Variants in GSTO1 observed in about 807,000 individuals in gnomAD.
GSTO1 encodes glutathione S-transferase omega 1.
GSTO1 carries 27 observed loss-of-function variants against 23.8 expected under a neutral mutation model. That is an observed-to-expected ratio of 1.13 (90% confidence interval 0.83 to 1.56). The LOEUF (loss-of-function observed/expected upper bound fraction) is 1.56, where lower values mean the gene tolerates loss of function less well. GSTO1 is among the 40% of genes most tolerant of loss of function. GSTO1 has a pLI of 0.00. For missense variants in GSTO1, 255 were observed against 285.8 expected (o/e 0.89, Z 0.78); for synonymous variants, 105 against 109.3 (o/e 0.96, Z 0.25).
intron 4 of GSTO1, among the ~76,000 whole-genome samples, chr10:104,263,418 TA>T (rs138752143): frequency 0.03 from 4,537 of 152,208 alleles, 256 homozygotes; most frequent in African/African-American, 0.11. Flanking sequence ...TCCATATATT[TA>T]AAAAAAATTA....
intron 1 of GSTO1, 48 bp downstream of exon 1, chr10:104,255,010 C>A (rs1341760495): frequency 4.6e-6 from 7 of 1,508,008 alleles, no homozygotes; most frequent in Non-Finnish European, 5.4e-6. Flanking sequence ...CGACCCCCGG[C>A]GGCATGTTCG....
chr10:104,255,039 AGCC>A (rs2091595203), intron 1 of GSTO1, 77 bp downstream of exon 1: 2 of 1,493,184 alleles, frequency 1.3e-6, no homozygotes, highest in Non-Finnish European at 1.8e-6. Flanking sequence ...CCGGGAGCCC[AGCC>A]GCCCGGGAGC....
At chr10:104,266,255 T>C in intron 5 of GSTO1, 65 bp downstream of exon 5, 1 of 846,764 alleles carries the variant, frequency 1.2e-6, no homozygotes, top group Non-Finnish European at 2.0e-6. Flanking sequence ...TATTGACCTT[T>C]CTTTATAACA....
At chr10:104,261,540 T>A (rs532153456) in intron 3 of GSTO1, among the ~76,000 whole-genome samples, 1 of 149,970 alleles carries the variant, frequency 6.7e-6, no homozygotes, top group South Asian at 2.1e-4. Flanking sequence ...TAATGTTAAT[T>A]AGAGGCTAGA....
At chr10:104,266,260 A>G in intron 5 of GSTO1, 70 bp downstream of exon 5, 5 of 825,788 alleles carry the variant, frequency 6.1e-6, no homozygotes, top group South Asian at 4.2e-5. Context: ...ACCTTTCTTT[A>G]TAACAGAAGT....
chr10:104,266,895 G>A (rs1564838680), intron 5 of GSTO1, among the ~76,000 whole-genome samples: 2 of 152,092 alleles, frequency 1.3e-5, no homozygotes, highest in South Asian at 4.1e-4. Flanking sequence ...CTTCTTGGAC[G>A]ATAGAGCTAT....
In GSTO1 at chr10:104,255,184, T is replaced by C; in HGVS notation, c.56T>C (p.Val19Ala). The change falls in exon 2 of 6, where the codon GTC becomes GCC. Residue 19 changes from valine to alanine, a missense_variant. Physicochemically the swap from Val to Ala is moderately conservative, Grantham distance 64. Coordinates refer to ENST00000369713, the MANE Select transcript of GSTO1 (RefSeq NM_004832.3). Reference protein sequence around the residue: ...LGKGSAPPGPVPEGSIRIYSM... With the variant: ...LGKGSAPPGPAPEGSIRIYSM... ...GCAGGAAGCGCGCCCCCGGGGCCGG[T>C]CCCGGAGGGCTCGATCCGCATCTAC... The C allele has an allele frequency of 6.2e-7, 1 of 1,613,566 alleles. No individual in the cohort carries two copies. Among genetic ancestry groups the C allele is most frequent in the Non-Finnish European group, 8.5e-7 (1 of 1,179,666 alleles).
chr10:104,255,136 G>C (rs751870821), intron 1 of GSTO1, 27 bp from the exon 2 acceptor site: 14 of 1,573,334 alleles, frequency 8.9e-6, no homozygotes, highest in Non-Finnish European at 1.0e-5. Flanking sequence ...TCTCTGGGCC[G>C]TAATCGCCTT....
chr10:104,263,467 C>T (rs1228778939), intron 4 of GSTO1, among the ~76,000 whole-genome samples: 1 of 152,172 alleles, frequency 6.6e-6, no homozygotes, highest in African/African-American at 2.4e-5. Flanking sequence ...CATTCTGTGT[C>T]CTGCTTTTTT....
intron 3 of GSTO1, among the ~76,000 whole-genome samples, chr10:104,260,159 G>C (rs1201362291): frequency 6.6e-6 from 1 of 152,156 alleles, no homozygotes; most frequent in Non-Finnish European, 1.5e-5. Flanking sequence ...CTTTTCAGGA[G>C]CTTGGCAGGC....
At chr10:104,262,896 T>C in intron 3 of GSTO1, 83 bp from the exon 4 acceptor site, 1 of 663,158 alleles carries the variant, frequency 1.5e-6, no homozygotes, top group Non-Finnish European at 2.7e-6. Flanking sequence ...ACCAGGACTG[T>C]AAGGGTTCTA....
At chr10:104,259,843 T>C (rs752136329) in intron 3 of GSTO1, 45 bp downstream of exon 3, 1 of 1,312,684 alleles carries the variant, frequency 7.6e-7, no homozygotes. Context: ...AAACCTGTTT[T>C]TTAAAGCGAA....
intron 4 of GSTO1, among the ~76,000 whole-genome samples, chr10:104,264,337 T>A (rs1237989802): frequency 1.3e-5 from 2 of 152,174 alleles, no homozygotes; most frequent in African/African-American, 2.4e-5. Flanking sequence ...AGCTGGAAAG[T>A]AAGATGCAGT....
intron 2 of GSTO1, among the ~76,000 whole-genome samples, chr10:104,259,043 T>A (rs1229157515): frequency 6.6e-6 from 1 of 152,164 alleles, no homozygotes; most frequent in Non-Finnish European, 1.5e-5. Flanking sequence ...TTGCACACTG[T>A]TGGCGGGAAT....
At chr10:104,263,858 T>C (rs994338763) in intron 4 of GSTO1, among the ~76,000 whole-genome samples, 7 of 152,216 alleles carry the variant, frequency 4.6e-5, no homozygotes, top group Non-Finnish European at 1.0e-4. Flanking sequence ...GTTACATCTA[T>C]TGAAATGTTC....
chr10:104,266,802 T>C (rs1309455234), intron 5 of GSTO1, among the ~76,000 whole-genome samples: 1 of 152,128 alleles, frequency 6.6e-6, no homozygotes, highest in Admixed American at 6.5e-5. Context: ...GTACGACCAG[T>C]GTTACCTCCC....
At chr10:104,264,595 G>A (rs557445330) in intron 4 of GSTO1, among the ~76,000 whole-genome samples, 1 of 152,262 alleles carries the variant, frequency 6.6e-6, no homozygotes, top group African/African-American at 2.4e-5. Flanking sequence ...ATTGTCATCT[G>A]TTTAGCAGTT....
chr10:104,261,961 A>G (rs567278930), intron 3 of GSTO1, among the ~76,000 whole-genome samples: 1 of 151,896 alleles, frequency 6.6e-6, no homozygotes, highest in Non-Finnish European at 1.5e-5. Flanking sequence ...GTCCTCCCCA[A>G]CAAAGAAATC....
At chr10:104,259,447 T>A (rs950147771) in intron 2 of GSTO1, 129 bp from the exon 3 acceptor site, 1 of 614,312 alleles carries the variant, frequency 1.6e-6, no homozygotes. Flanking sequence ...AAAACTAGAA[T>A]GGAAGGAATC....
Sources: allele counts gnomAD v4.1 joint callset (sites outside exome capture counted in the v4.1 genomes callset), GRCh38; gene constraint gnomAD v4.1.1; transcripts MANE v1.5; gene names NCBI Gene and HGNC (gene_info 2026-07-23, HGNC 2026-07-21).